The following USP39 variants were observed in gnomAD, a reference collection of about 807,000 sequenced individuals.
USP39 encodes the protein ubiquitin specific peptidase 39.
A neutral mutation model predicts 66.4 loss-of-function variants in USP39; 38 were observed. The ratio of observed to expected loss-of-function variants is 0.57; its 90% CI spans 0.44 to 0.75. The LOEUF (loss-of-function observed/expected upper bound fraction) is 0.75, where lower values mean the gene tolerates loss of function less well. Among genes scored for constraint, USP39 ranks in the 30% least tolerant of loss-of-function variants. USP39 has a pLI of 0.00. For synonymous variants in USP39, 303 were observed against 274.6 expected, an observed-to-expected ratio of 1.10 and a Z score of -1.02; for missense variants, 608 against 714.4, an observed-to-expected ratio of 0.85 and a Z score of 1.70.
chr2:85,615,181 C>T (rs888543237), upstream of USP39, among the ~76,000 whole-genome samples: 1 of 152,018 alleles, frequency 6.6e-6, no homozygotes, highest in African/African-American at 2.4e-5. Context: ...CCACCACGCC[C>T]GGCTAATTTT....
At position 85,621,690 on chromosome 2, in the gene USP39, C is replaced by G; in HGVS notation, c.433+111C>G. The G allele has an allele frequency of 9.2e-6, 8 of 870,106 alleles. 2 individuals carry two copies. In the South Asian group the frequency reaches 1.3e-4, roughly 15 times the overall value. 53.9% of individuals were successfully genotyped at this position (870,106 alleles called of 1,614,324 possible). Reference sequence around the variant, plus strand: ...TCATATCTAATAATTTCTATTTGTTCCCAGGAAATTGAAATATTCTTAGAA... The same window carrying G: ...TCATATCTAATAATTTCTATTTGTTGCCAGGAAATTGAAATATTCTTAGAA... On this transcript the variant is annotated intron_variant, in intron 3 of 12. Transcript: ENST00000323701.
intron 9 of USP39, 80 bp from the exon 10 acceptor site, chr2:85,640,896 T>C: frequency 1.5e-6 from 2 of 1,313,842 alleles, no homozygotes; most frequent in Non-Finnish European, 2.1e-6. Flanking sequence ...TTTTAAAAAA[T>C]CGAAATGAAA....
At chr2:85,609,157 T>C (rs1318516935), upstream of USP39, 6 of 1,532,616 alleles carry the variant, frequency 3.9e-6, no homozygotes, top group Non-Finnish European at 5.3e-6. Context: ...CAGAACTCCA[T>C]TTAGCTCAAG....
chr2:85,628,184 C>T (rs1400739460), intron 5 of USP39, among the ~76,000 whole-genome samples: 2 of 151,880 alleles, frequency 1.3e-5, no homozygotes, highest in African/African-American at 4.8e-5. Flanking sequence ...CTCGCTCTGT[C>T]ACCCAGGCTG....
chr2:85,637,933 G>A (rs1056711813), intron 8 of USP39, among the ~76,000 whole-genome samples: 4 of 152,180 alleles, frequency 2.6e-5, no homozygotes, highest in Non-Finnish European at 4.4e-5. Context: ...CTGACCTCAG[G>A]TGATCTACCT....
At chr2:85,630,213 T>C (rs1189155636) in intron 5 of USP39, among the ~76,000 whole-genome samples, 2 of 152,194 alleles carry the variant, frequency 1.3e-5, no homozygotes, top group Non-Finnish European at 2.9e-5. Flanking sequence ...TGTACAATTA[T>C]ATGGTTTTAG....
At chr2:85,635,217 C>A (rs962531022) in intron 6 of USP39, among the ~76,000 whole-genome samples, 1 of 152,088 alleles carries the variant, frequency 6.6e-6, no homozygotes, top group Non-Finnish European at 1.5e-5. Context: ...ATTTTAATTG[C>A]GTGAGCAAAG....
chr2:85,615,526 G>A (rs544745818), upstream of USP39, among the ~76,000 whole-genome samples: 213 of 152,264 alleles, frequency 1.4e-3, no homozygotes, highest in African/African-American at 4.8e-3. Flanking sequence ...GATGATTTGG[G>A]AATGTCGCCT....
intron 12 of USP39, 29 bp downstream of exon 12, chr2:85,648,045 C>T (rs747450298): frequency 1.2e-4 from 193 of 1,611,878 alleles, no homozygotes; most frequent in Non-Finnish European, 1.6e-4. Context: ...TAGTGAGCCA[C>T]AAATAGGTGG....
chr2:85,608,264 C>T (rs761262145), upstream of USP39: 1 of 152,172 alleles, frequency 6.6e-6, no homozygotes, highest in African/African-American at 2.4e-5. Flanking sequence ...ACGAAAAAGC[C>T]ATGGAAAGGG....
intron 3 of USP39, among the ~76,000 whole-genome samples, chr2:85,622,959 G>C (rs1674574679): frequency 6.6e-6 from 1 of 152,208 alleles, no homozygotes; most frequent in Non-Finnish European, 1.5e-5. Flanking sequence ...CAACCAGTGA[G>C]TTCTGTTAGA....
At chr2:85,646,612 A>G (rs1390850444) in intron 11 of USP39, among the ~76,000 whole-genome samples, 2 of 152,170 alleles carry the variant, frequency 1.3e-5, no homozygotes, top group Admixed American at 6.5e-5. Flanking sequence ...TATGTTTCCT[A>G]TATTCTCAAC....
chr2:85,609,619 G>T (rs200832393), upstream of USP39: 14 of 1,612,548 alleles, frequency 8.7e-6, no homozygotes, highest in African/African-American at 9.3e-5. Flanking sequence ...GAAAGAAGAG[G>T]GGGGGTGCTG....
At chr2:85,611,432 A>G (rs1558839956), upstream of USP39, 1 of 1,522,034 alleles carries the variant, frequency 6.6e-7, no homozygotes, top group Non-Finnish European at 8.8e-7. Context: ...CGGCAGATAA[A>G]CTTCTTGCTG....
intron 6 of USP39, 103 bp downstream of exon 6, chr2:85,631,049 C>T (rs1443160159): frequency 9.5e-7 from 1 of 1,053,924 alleles, no homozygotes; most frequent in Non-Finnish European, 1.4e-6. Context: ...GAGTCTCACT[C>T]TGTCACCCAG....
At chr2:85,609,465 A>G (rs1208499177), upstream of USP39, 6 of 1,614,126 alleles carry the variant, frequency 3.7e-6, no homozygotes, top group South Asian at 6.6e-5. Context: ...TGACCTCTCC[A>G]CTGTCTGCCT....
intron 1 of USP39, among the ~76,000 whole-genome samples, chr2:85,617,095 C>T (rs1221311606): frequency 1.3e-5 from 2 of 151,344 alleles, no homozygotes; most frequent in Admixed American, 1.3e-4. Flanking sequence ...TTACTTCCTT[C>T]CATTTTAAAA....
Position 85,646,784 on chromosome 2 carries a change from G to A in USP39, c.1564-1146G>A, listed in dbSNP as rs72846629. On this transcript the variant is annotated intron_variant, in intron 11 of 12. Transcript: ENST00000323701. ...TTCATGGAAGCATGAAGTGAGATACGTTTTGCTGTATTTGTAGCACTGGTT... is the reference window on the plus strand; with the variant it reads ...TTCATGGAAGCATGAAGTGAGATACATTTTGCTGTATTTGTAGCACTGGTT... 4.6e-3 allele frequency among the ~76,000 whole-genome samples: 704 copies of A among 151,610 alleles called. 4 individuals are homozygous for A. The highest frequency in any genetic ancestry group is 8.2e-3 in the Non-Finnish European group (556 of 67,958).
At chr2:85,609,042 T>G (rs1435231891), upstream of USP39, 1 of 1,614,118 alleles carries the variant, frequency 6.2e-7, no homozygotes, top group Non-Finnish European at 8.5e-7. Flanking sequence ...CGACACCTTC[T>G]CACTCACCTT....
Sources: allele counts gnomAD v4.1 joint callset (sites outside exome capture counted in the v4.1 genomes callset), GRCh38; gene constraint gnomAD v4.1.1; transcripts MANE v1.5; gene names NCBI Gene and HGNC (gene_info 2026-07-23, HGNC 2026-07-21).